The following BEND3 variants were observed in gnomAD, a reference collection of about 807,000 sequenced individuals.
The protein encoded by BEND3 is BEN domain containing 3.
In BEND3, 13 loss-of-function variants were observed where a neutral mutation model predicts 60.1. The ratio of observed to expected loss-of-function variants is 0.22; its 90% CI spans 0.14 to 0.34. The LOEUF is 0.34. Ranked by LOEUF, BEND3 falls within the 10% of genes least tolerant of loss-of-function variation. The probability of loss-of-function intolerance (pLI) is 1.00; values close to 1 mark genes in which losing one functional copy is unlikely to be tolerated. For missense variants in BEND3, 896 were observed against 1,138.1 expected, an observed-to-expected ratio of 0.79 and a Z score of 3.06; for synonymous variants, 497 against 491.5, an observed-to-expected ratio of 1.01 and a Z score of -0.15.
chr6:107,107,184 G>A (rs920455167), intron 1 of BEND3, among the ~76,000 whole-genome samples: 4 of 151,938 alleles, frequency 2.6e-5, no homozygotes, highest in Admixed American at 2.6e-4. Context: ...TGATCCACCC[G>A]CCTCGGCCTC....
Position 107,069,926 on chromosome 6 carries a change from A to G in BEND3, c.1265T>C (p.Leu422Pro). 1 of 1,613,806 alleles carries G rather than the reference A, an allele frequency of 6.2e-7. No individual in the cohort carries two copies. Among genetic ancestry groups the G allele is most frequent in the Non-Finnish European group, 8.5e-7 (1 of 1,180,010 alleles). ...TTCACCCAGCTTGCGGTGGTCGAAGAGCTCGGGGAAGAGCCGGTGGAGGAG... is the reference window on the plus strand; with the variant it reads ...TTCACCCAGCTTGCGGTGGTCGAAGGGCTCGGGGAAGAGCCGGTGGAGGAG... The part of the protein sequence containing the change: ...VFLLHRLFPE[L>P]FDHRKLGEQY... Residue 422 changes from leucine to proline, a missense_variant, in exon 4 of 4, where the codon CTC becomes CCC. Physicochemically the swap from Leu to Pro is moderately conservative, Grantham distance 98 (BLOSUM62 -3). Transcript: ENST00000369042.
intron 1 of BEND3, among the ~76,000 whole-genome samples, chr6:107,104,540 T>C (rs922457613): frequency 3.3e-5 from 5 of 152,186 alleles, no homozygotes; most frequent in Non-Finnish European, 5.9e-5. Context: ...AATATTTGCA[T>C]GTAACCTGTG....
chr6:107,080,168 G>T (rs1304333775), intron 3 of BEND3, among the ~76,000 whole-genome samples: 1 of 151,740 alleles, frequency 6.6e-6, no homozygotes, highest in Non-Finnish European at 1.5e-5. Flanking sequence ...AGGCCAAGGT[G>T]GGCAGATTGC....
At chr6:107,080,377 A>AAG (rs1775205620) in intron 3 of BEND3, among the ~76,000 whole-genome samples, 2 of 136,852 alleles carry the variant, frequency 1.5e-5, no homozygotes, top group Non-Finnish European at 3.1e-5. Flanking sequence ...AAAAAAAAAA[A>AAG]CAAAAAACAG....
rs782623941 is a variant in BEND3, at chr6:107,068,045, C to G, written c.*659G>C. ...AGGCCAAGCTGAACGGAAGCCTTCC[C>G]TGGCACCAGAGCAGAAGGGAAAACT... On this transcript the variant is annotated 3_prime_UTR_variant, in exon 4 of 4. Transcript: ENST00000369042. The surrounding 1 kb of genome is among the most constrained non-coding windows in gnomAD (Gnocchi z 5.8). 2.6e-5 allele frequency: 4 copies of G among 152,320 alleles called. No homozygotes were observed. Among genetic ancestry groups the G allele is most frequent in the African/African-American group, 7.2e-5 (3 of 41,468 alleles). The allele number at this position is 152,320 out of a possible 1,614,324, so 9.4% of individuals were successfully genotyped here. A position where few individuals can be genotyped will look rare whatever the true frequency, so the allele number is the denominator to read the frequency against.
rs1774943058 is a variant in BEND3 at position 107,070,289 on chromosome 6, G to A, written c.902C>T (p.Ser301Leu). ...CGFAAKRKLE[S>L]LHLQLIRNYV... is the part of the protein sequence containing the mutation. ...GTTGCGGATGAGCTGCAGGTGCAGC[G>A]ACTCCAGCTTGCGCTTGGCCGCAAA... The change falls in exon 4 of 4, where the codon TCG becomes TTG. Residue 301 changes from serine to leucine, a missense_variant. Physicochemically the swap from Ser to Leu is moderately radical, Grantham distance 145. Around this residue, in one of 4 missense-constraint regions of BEND3, gnomAD observed 846 missense variants for 1,036.7 expected, o/e 0.82. Coordinates refer to ENST00000369042, the MANE Select transcript of BEND3 (RefSeq NM_001367314.1). The surrounding 1 kb of genome is among the most constrained non-coding windows in gnomAD (Gnocchi z 6.9). 3 of 1,613,020 alleles carry A rather than the reference G, an allele frequency of 1.9e-6. No homozygotes were observed. The highest frequency in any genetic ancestry group is 1.7e-6 in the Non-Finnish European group (2 of 1,180,002).
At position 107,066,868 on chromosome 6, in the gene BEND3, T is replaced by C. The variant is rs1050208305; in HGVS notation, c.*1836A>G. The C allele has an allele frequency of 3.3e-5, 5 of 152,472 alleles. No homozygotes were observed. The highest frequency in any genetic ancestry group is 7.3e-5 in the Non-Finnish European group (5 of 68,048). 9.4% of individuals were successfully genotyped at this position (152,472 alleles called of 1,614,324 possible). A position where few individuals can be genotyped will look rare whatever the true frequency, so the allele number is the denominator to read the frequency against. ...GTCTCCTGGCTGCTCCAGTCCCTCC[T>C]TTCCAGGCACAAAGAAGTTGAACTT... On this transcript the variant is annotated 3_prime_UTR_variant, in exon 4 of 4. Coordinates refer to ENST00000369042, the MANE Select transcript of BEND3 (RefSeq NM_001367314.1).
chr6:107,110,498 G>T (rs1775918811), intron 1 of BEND3, among the ~76,000 whole-genome samples: 2 of 152,154 alleles, frequency 1.3e-5, no homozygotes. Flanking sequence ...GAAAGAGACT[G>T]TCAGAGCAAG....
Position 107,070,095 on chromosome 6 carries a change from C to T in BEND3, c.1096G>A (p.Gly366Ser), listed in dbSNP as rs1238561105. ...TGGTCTTTGTTGTCCAGGAAGTGGCCGGGGTCCACCTGCTCTGCCTCAAAG... is the reference window on the plus strand; with the variant it reads ...TGGTCTTTGTTGTCCAGGAAGTGGCTGGGGTCCACCTGCTCTGCCTCAAAG... ...SFFEAEQVDP[G>S]HFLDNKDQEE... Residue 366 changes from glycine to serine, a missense_variant, in exon 4 of 4, where the codon GGC becomes AGC. This residue lies in a region of BEND3 where 846 missense variants were observed against 1,036.7 expected (regional missense o/e 0.82). Transcript: ENST00000369042. This position sits in a 1 kb window ranked among gnomAD's most constrained non-coding sequence, Gnocchi z 6.9. The T allele has an allele frequency of 2.5e-6, 4 of 1,613,246 alleles. No homozygotes were observed. The highest frequency in any genetic ancestry group is 3.4e-6 in the Non-Finnish European group (4 of 1,180,032).
intron 3 of BEND3, among the ~76,000 whole-genome samples, chr6:107,085,083 C>T (rs533820110): frequency 6.6e-6 from 1 of 152,284 alleles, no homozygotes; most frequent in East Asian, 1.9e-4. Flanking sequence ...AGACCACGAA[C>T]CCACTGGGAG....
chr6:107,075,448 AACAAAT>A (rs1253538937), intron 3 of BEND3, among the ~76,000 whole-genome samples: 2 of 152,198 alleles, frequency 1.3e-5, no homozygotes, highest in Non-Finnish European at 1.5e-5. Context: ...CCATTGCCCT[AACAAAT>A]ACAAAGTGCC....
Position 107,068,854 on chromosome 6 carries a change from G to A in BEND3, c.2337C>T (p.Leu779=), listed in dbSNP as rs1214532776. The part of the protein sequence containing the change: ...KKQLDPTRLR[L]IRHYVEAVYP... ...AGACGGCTTCCACGTAGTGGCGGAT[G>A]AGCCGCAGCCGCGTGGGGTCCAGTT... Residue 779 remains leucine (L), a synonymous_variant, in exon 4 of 4, where the codon CTC becomes CTT. Coordinates refer to ENST00000369042, the MANE Select transcript of BEND3 (RefSeq NM_001367314.1). This position sits in a 1 kb window ranked among gnomAD's most constrained non-coding sequence, Gnocchi z 5.8. 41 of 1,614,044 alleles carry A rather than the reference G, an allele frequency of 2.5e-5. No individual in the cohort carries two copies. Among genetic ancestry groups the A allele is most frequent in the Middle Eastern group, 1.6e-4 (1 of 6,062 alleles).
At chr6:107,095,358 GA>G (rs1228630546) in intron 3 of BEND3, among the ~76,000 whole-genome samples, 1 of 151,900 alleles carries the variant, frequency 6.6e-6, no homozygotes, top group African/African-American at 2.4e-5. Context: ...ACTAAACAAA[GA>G]AAAAAACCAA....
intron 3 of BEND3, among the ~76,000 whole-genome samples, chr6:107,097,790 C>CAAAA (rs10674719): frequency 2.5e-3 from 133 of 52,702 alleles, no homozygotes; most frequent in Admixed American, 3.0e-3. Flanking sequence ...AACTCCGTCT[C>CAAAA]AAAAAAAAAA....
In BEND3 at chr6:107,069,050, G is replaced by C. The variant is rs1416192663; in HGVS notation, c.2141C>G (p.Pro714Arg). Residue 714 changes from proline to arginine, a missense_variant, in exon 4 of 4, where the codon CCG becomes CGG. By Grantham distance (103) the Pro-to-Arg change is moderately radical (BLOSUM62 -2). Around this residue, in one of 4 missense-constraint regions of BEND3, gnomAD observed 846 missense variants for 1,036.7 expected, o/e 0.82. Coordinates refer to ENST00000369042, the MANE Select transcript of BEND3 (RefSeq NM_001367314.1). Reference protein sequence around the residue: ...DELVVPSPDFPVPSPYLLSDK... With the variant: ...DELVVPSPDFRVPSPYLLSDK... ...AGACAGCAGGTAGGGAGAAGGCACC[G>C]GGAAGTCAGGCGAGGGGACCACCAG... is the stretch of plus-strand genomic sequence containing the variant. 6.2e-7 allele frequency: 1 copy of C among 1,613,542 alleles called. No homozygotes were observed. The highest frequency in any genetic ancestry group is 1.1e-5 in the South Asian group (1 of 91,076).
At chr6:107,105,475 T>C (rs1253435550) in intron 1 of BEND3, among the ~76,000 whole-genome samples, 4 of 151,880 alleles carry the variant, frequency 2.6e-5, no homozygotes, top group South Asian at 4.2e-4. Context: ...GTCCAGCCCA[T>C]AGATTTCCAA....
chr6:107,084,320 C>A (rs1461433409), intron 3 of BEND3, among the ~76,000 whole-genome samples: 1 of 152,262 alleles, frequency 6.6e-6, no homozygotes, highest in Non-Finnish European at 1.5e-5. Flanking sequence ...AGACCCCACA[C>A]TTTCGTGGGT....
chr6:107,070,458 C>CA lies in BEND3; in HGVS notation c.732dup (p.Glu245Ter). ...AGCTCTGCGGCTGTGAGCTGGTACT[C>CA]AGGGGGCGGCTGGAATTTGGCCACC... On this transcript the variant is annotated frameshift_variant, in exon 4 of 4. Coordinates refer to ENST00000369042, the MANE Select transcript of BEND3 (RefSeq NM_001367314.1). LOFTEE classifies it high-confidence loss of function. The surrounding 1 kb of genome is among the most constrained non-coding windows in gnomAD (Gnocchi z 6.9). 1 of 1,614,136 alleles carries CA rather than the reference C, an allele frequency of 6.2e-7. No individual in the cohort carries two copies. Among genetic ancestry groups the CA allele is most frequent in the Non-Finnish European group, 8.5e-7 (1 of 1,180,024 alleles).
intron 3 of BEND3, among the ~76,000 whole-genome samples, chr6:107,094,489 T>C (rs1312456694): frequency 4.6e-5 from 7 of 151,774 alleles, no homozygotes; most frequent in Admixed American, 4.6e-4. Flanking sequence ...GGCGTGGTGG[T>C]GCGTGCCTGT....
Sources: allele counts gnomAD v4.1 joint callset (sites outside exome capture counted in the v4.1 genomes callset), GRCh38; gene constraint gnomAD v4.1.1; regional missense constraint gnomAD v4.1.1; non-coding constraint Gnocchi (gnomAD v3.1); transcripts MANE v1.5; gene names NCBI Gene and HGNC (gene_info 2026-07-23, HGNC 2026-07-21).